The following GOLT1B variants were observed in gnomAD, a reference collection of about 807,000 sequenced individuals.
GOLT1B encodes golgi transport 1B.
GOLT1B carries 3 observed loss-of-function variants against 15.4 expected under a neutral mutation model. That is an observed-to-expected ratio of 0.19 (90% CI 0.09 to 0.50). GOLT1B has a LOEUF of 0.50. Among genes scored for constraint, GOLT1B ranks in the 20% least tolerant of loss-of-function variants. The pLI is 0.97. For missense variants in GOLT1B, 145 were observed against 160.4 expected (o/e 0.90, Z 0.52); for synonymous variants, 65 against 56.2 (o/e 1.16, Z -0.70).
intron 3 of GOLT1B, among the ~76,000 whole-genome samples, chr12:21,511,142 C>G (rs1248499650): frequency 2.0e-5 from 3 of 152,174 alleles, no homozygotes; most frequent in African/African-American, 7.2e-5. Context: ...GTTGTTTTAC[C>G]CATGCTTCTG....
rs979008847 is a variant in GOLT1B at position 21,517,793 on chromosome 12, A to G, written c.*2086A>G. 17 of 152,556 alleles carry G rather than the reference A, an allele frequency of 1.1e-4. No homozygotes were observed. Among genetic ancestry groups the G allele is most frequent in the African/African-American group, 4.1e-4 (17 of 41,444 alleles). The allele number at this position is 152,556 out of a possible 1,614,324, so 9.5% of individuals were successfully genotyped here. ...TGTGAGTTTGGGACTGCCTGGCAACATTTATATTTCTTATTCAGAACCCTT... is the reference window on the plus strand; with the variant it reads ...TGTGAGTTTGGGACTGCCTGGCAACGTTTATATTTCTTATTCAGAACCCTT... On this transcript the variant is annotated 3_prime_UTR_variant, in exon 5 of 5. Transcript: ENST00000229314.
At chr12:21,509,290 T>G (rs1313270747) in intron 3 of GOLT1B, among the ~76,000 whole-genome samples, 1 of 148,362 alleles carries the variant, frequency 6.7e-6, no homozygotes, top group African/African-American at 2.5e-5. Context: ...TCCTAGCTAC[T>G]CGGGAGGCTG....
intron 1 of GOLT1B, among the ~76,000 whole-genome samples, chr12:21,506,502 T>C (rs1943679542): frequency 6.6e-6 from 1 of 151,956 alleles, no homozygotes; most frequent in African/African-American, 2.4e-5. Flanking sequence ...AATTATAGAA[T>C]GTGAAAGGAG....
intron 3 of GOLT1B, 28 bp downstream of exon 3, chr12:21,508,589 A>G: frequency 9.0e-7 from 1 of 1,110,096 alleles, no homozygotes; most frequent in Admixed American, 1.9e-5. Flanking sequence ...CTCTTTCAGT[A>G]AATCAGTGTG....
intron 1 of GOLT1B, among the ~76,000 whole-genome samples, chr12:21,502,247 A>G (rs1168692635): frequency 6.6e-6 from 1 of 152,122 alleles, no homozygotes; most frequent in East Asian, 1.9e-4. Context: ...CCTCATCCCC[A>G]GTGAGATGGG....
rs757203413 is a variant in GOLT1B at position 21,501,877 on chromosome 12, C to T, written c.-47C>T. On this transcript the variant is annotated 5_prime_UTR_variant, in exon 1 of 5. Transcript: ENST00000229314. The stretch of plus-strand genomic sequence containing the variant: ...CATTTCTCCCGACTCAGCTTCCCAC[C>T]CTGGGCTTTCCGAGGTGCTGTCGCC... 2 of 1,437,660 alleles carry T rather than the reference C, an allele frequency of 1.4e-6. No individual in the cohort carries two copies. Among genetic ancestry groups the T allele is most frequent in the African/African-American group, 1.4e-5 (1 of 72,734 alleles). 89.1% of individuals were successfully genotyped at this position (1,437,660 alleles called of 1,614,324 possible).
At position 21,506,885 on chromosome 12, in the gene GOLT1B, A is replaced by G. The variant is rs1295401826; in HGVS notation, c.26A>G (p.Lys9Arg). 1.5e-6 allele frequency: 2 copies of G among 1,368,736 alleles called. No individual in the cohort carries two copies. The highest frequency in any genetic ancestry group is 1.8e-4 in the Middle Eastern group (1 of 5,470). 84.8% of individuals were successfully genotyped at this position (1,368,736 alleles called of 1,614,324 possible). The stretch of plus-strand genomic sequence containing the variant: ...CTTAACCATATACCTTATATTGCAG[A>G]AATTGGAATGGGATTAACAGGATTT... MISLTDTQ[K>R]IGMGLTGFGV... Residue 9 changes from lysine to arginine, a missense_variant and splice_region_variant, in exon 2 of 5, where the codon AAA becomes AGA. Physicochemically the swap from Lys to Arg is conservative, Grantham distance 26. Coordinates refer to ENST00000229314, the MANE Select transcript of GOLT1B (RefSeq NM_016072.5).
In GOLT1B at chr12:21,501,914, C is replaced by T. The variant is rs1251728225; in HGVS notation, c.-10C>T. 1 of 1,603,576 alleles carries T rather than the reference C, an allele frequency of 6.2e-7. No homozygotes were observed. The stretch of plus-strand genomic sequence containing the variant: ...GAGGTGCTGTCGCCGCTGTCCCCAC[C>T]ACTGCAGCCATGATCTCCTTAACGG... On this transcript the variant is annotated 5_prime_UTR_variant, in exon 1 of 5. Coordinates refer to ENST00000229314, the MANE Select transcript of GOLT1B (RefSeq NM_016072.5).
rs191196629 is a variant in GOLT1B, at chr12:21,502,059, C to A, written c.25+111C>A. On this transcript the variant is annotated intron_variant, in intron 1 of 4. Transcript: ENST00000229314. ...TGAAGCTCTGGGTTGGGGGCGGTGG[C>A]CTGCGAGACAGAGCTAGGGCTGCTG... 7.3e-4 allele frequency: 585 copies of A among 802,720 alleles called. 3 individuals carry two copies. The African/African-American group carries it at 8.7e-3, about 12-fold the overall frequency. The allele number at this position is 802,720 out of a possible 1,614,324, so 49.7% of individuals were successfully genotyped here.
At chr12:21,515,611 A>G (rs955657274) in intron 4 of GOLT1B, 58 bp from the exon 5 acceptor site, 3 of 834,892 alleles carry the variant, frequency 3.6e-6, no homozygotes, top group Non-Finnish European at 6.0e-6. Context: ...AAATATTGAT[A>G]TAATGTTTTA....
At chr12:21,510,571 T>G (rs190110533) in intron 3 of GOLT1B, among the ~76,000 whole-genome samples, 3 of 152,300 alleles carry the variant, frequency 2.0e-5, no homozygotes, top group Admixed American at 1.3e-4. Flanking sequence ...GCTGGAGATT[T>G]AGTGCCAAGG....
In GOLT1B at chr12:21,517,049, C is replaced by G. The variant is rs938969765; in HGVS notation, c.*1342C>G. The G allele has an allele frequency of 6.6e-6, 1 of 152,322 alleles. No homozygotes were observed. The highest frequency in any genetic ancestry group is 2.4e-5 in the African/African-American group (1 of 41,386). The allele number at this position is 152,322 out of a possible 1,614,324, so 9.4% of individuals were successfully genotyped here. On this transcript the variant is annotated 3_prime_UTR_variant, in exon 5 of 5. Coordinates refer to ENST00000229314, the MANE Select transcript of GOLT1B (RefSeq NM_016072.5). ...ACAGCCATAGTACTATTTGTTTTAC[C>G]ACTGATTGCACTGTTTTGTTTTTTT...
intron 4 of GOLT1B, among the ~76,000 whole-genome samples, chr12:21,514,029 ACTGT>A (rs1413317711): frequency 6.6e-6 from 1 of 152,186 alleles, no homozygotes; most frequent in Non-Finnish European, 1.5e-5. Context: ...AGACCAGATG[ACTGT>A]CTCTTAGCCT....
Position 21,517,700 on chromosome 12 carries a change from T to C in GOLT1B, c.*1993T>C, listed in dbSNP as rs2136813660. On this transcript the variant is annotated 3_prime_UTR_variant, in exon 5 of 5. Transcript: ENST00000229314. ...TTGAAAGGGTTTGATAATCTCCCAG[T>C]CCTTAGTAAAGATTGAGAGAGGCTG... The C allele has an allele frequency of 6.6e-6, 1 of 152,334 alleles. No homozygotes were observed. The highest frequency in any genetic ancestry group is 1.9e-4 in the East Asian group (1 of 5,190). The allele number at this position is 152,334 out of a possible 1,614,324, so 9.4% of individuals were successfully genotyped here.
At chr12:21,508,022 C>T in intron 2 of GOLT1B, 1 of 443,412 alleles carries the variant, frequency 2.3e-6, no homozygotes, top group Non-Finnish European at 4.5e-6. Flanking sequence ...CAGCTTTCCT[C>T]TTTATGCCTT....
intron 1 of GOLT1B, among the ~76,000 whole-genome samples, chr12:21,503,506 A>G (rs1943655903): frequency 6.6e-6 from 1 of 152,196 alleles, no homozygotes; most frequent in South Asian, 2.1e-4. Context: ...TAATATAGTG[A>G]TGAGTGCCTG....
chr12:21,514,992 TAAAAAA>T (rs35343568), intron 4 of GOLT1B, among the ~76,000 whole-genome samples: 1 of 142,902 alleles, frequency 7.0e-6, no homozygotes, highest in Non-Finnish European at 1.5e-5. Flanking sequence ...TCTGGAATGT[TAAAAAA>T]AAAAAAAAAG....
At chr12:21,511,838 G>A (rs1337465570) in intron 3 of GOLT1B, among the ~76,000 whole-genome samples, 2 of 152,220 alleles carry the variant, frequency 1.3e-5, no homozygotes, top group African/African-American at 2.4e-5. Context: ...CTGGTTAGAA[G>A]CTGTTTAACT....
At position 21,515,638 on chromosome 12, in the gene GOLT1B, C is replaced by G. The variant is rs368885355; in HGVS notation, c.379-31C>G. On this transcript the variant is annotated intron_variant, in intron 4 of 4. Transcript: ENST00000229314. ...AATGTTTTATAATGTTCCGGGCTTT[C>G]TTTAATTCTCTGTTTTTCTTCTCCT... 1.5e-5 allele frequency: 17 copies of G among 1,166,898 alleles called. No homozygotes were observed. The African/African-American group carries it at 2.6e-4, about 18-fold the overall frequency. The allele number at this position is 1,166,898 out of a possible 1,614,324, so 72.3% of individuals were successfully genotyped here. A position where few individuals can be genotyped will look rare whatever the true frequency, so the allele number is the denominator to read the frequency against.
Sources: allele counts gnomAD v4.1 joint callset (sites outside exome capture counted in the v4.1 genomes callset), GRCh38; gene constraint gnomAD v4.1.1; transcripts MANE v1.5; gene names NCBI Gene and HGNC (gene_info 2026-07-23, HGNC 2026-07-21).